The following PLA2G4F variants were observed in gnomAD, a reference collection of about 807,000 sequenced individuals.
PLA2G4F encodes the protein cytosolic phospholipase A2 zeta.
PLA2G4F carries 105 observed loss-of-function variants against 103.1 expected under a neutral mutation model. That is an observed-to-expected ratio of 1.02 (90% CI 0.87 to 1.20). The LOEUF (loss-of-function observed/expected upper bound fraction) is 1.20. Ranked by LOEUF, PLA2G4F falls within the 50% of genes most tolerant of loss-of-function variation. The probability of loss-of-function intolerance (pLI) is 0.00; values close to 1 mark genes in which losing one functional copy is unlikely to be tolerated. For synonymous variants in PLA2G4F, 468 were observed against 441.1 expected, an observed-to-expected ratio of 1.06 and a Z score of -0.76; for missense variants, 1,155 against 1,075.9, an observed-to-expected ratio of 1.07 and a Z score of -1.03.
rs762798872 is a variant in PLA2G4F, at chr15:42,150,433, G to GC, written c.824dup (p.Ile276HisfsTer44). 1.2e-6 allele frequency: 2 copies of GC among 1,613,426 alleles called. No homozygotes were observed. The highest frequency in any genetic ancestry group is 1.7e-6 in the Non-Finnish European group (2 of 1,179,926). On this transcript the variant is annotated frameshift_variant, in exon 9 of 20. Transcript: ENST00000397272. LOFTEE classifies it high-confidence loss of function. ...CTAGGGGCAGAGAGGAGAGCAGGAT[G>GC]CCCCCCTCGCCCAGCTTGCTGGTCT...
At chr15:42,143,832 G>C (rs960848095) in intron 18 of PLA2G4F, 146 bp downstream of exon 18, 35 of 1,061,336 alleles carry the variant, frequency 3.3e-5, no homozygotes, top group Non-Finnish European at 4.4e-5. Context: ...CTCACACACA[G>C]AGTGGAACCC....
In PLA2G4F at chr15:42,150,432, T is replaced by C. The variant is rs1256888163; in HGVS notation, c.826A>G (p.Ile276Val). 1.2e-6 allele frequency: 2 copies of C among 1,613,384 alleles called. No homozygotes were observed. Among genetic ancestry groups the C allele is most frequent in the African/African-American group, 1.3e-5 (1 of 74,884 alleles). Residue 276 changes from isoleucine to valine, a missense_variant, in exon 9 of 20, where the codon ATC (isoleucine) becomes GTC (valine). This residue lies in a region of PLA2G4F where 370 missense variants were observed against 364.9 expected (regional missense o/e 1.01). Transcript: ENST00000397272. ...CCTAGGGGCAGAGAGGAGAGCAGGA[T>C]GCCCCCCTCGCCCAGCTTGCTGGTC... ...AQTSKLGEGG[I>V]LLSSLPLGQE... is the part of the protein sequence containing the mutation.
chr15:42,142,456 C>T (rs1036934618), intron 19 of PLA2G4F, 72 bp downstream of exon 19: 7 of 1,492,284 alleles, frequency 4.7e-6, no homozygotes, highest in Middle Eastern at 1.8e-4. Context: ...CCAGGGAACC[C>T]ACCCTCAGAA....
chr15:42,145,575 C>T lies in PLA2G4F; in HGVS notation c.1780G>A (p.Asp594Asn), dbSNP rs745385494. ...AGGGGCTCGGGGTCGCTACCCTCACCTGTGATATTCACACTGCCTCTGTAC... is the reference window on the plus strand; with the variant it reads ...AGGGGCTCGGGGTCGCTACCCTCACTTGTGATATTCACACTGCCTCTGTAC... Reference protein sequence around the residue: ...EWYRGSVNITDDCQKPQLHNP... With the variant: ...EWYRGSVNITNDCQKPQLHNP... Residue 594 changes from aspartate to asparagine, a missense_variant and splice_region_variant, in exon 16 of 20, where the codon GAC becomes AAC. Asp to Asn is a conservative substitution (Grantham distance 23). This residue lies in a region of PLA2G4F where 782 missense variants were observed against 692.9 expected (regional missense o/e 1.13). Transcript: ENST00000397272. The T allele has an allele frequency of 6.2e-7, 1 of 1,613,890 alleles. No homozygotes were observed. Among genetic ancestry groups the T allele is most frequent in the Non-Finnish European group, 8.5e-7 (1 of 1,179,828 alleles).
chr15:42,150,842 G>T, intron 7 of PLA2G4F, 65 bp from the exon 8 acceptor site: 6 of 1,548,534 alleles, frequency 3.9e-6, no homozygotes, highest in Non-Finnish European at 5.2e-6. Context: ...TGCGGCTTAT[G>T]CTGGCAGCGC....
chr15:42,152,575 C>A, intron 7 of PLA2G4F, 113 bp downstream of exon 7: 1 of 1,123,824 alleles, frequency 8.9e-7, no homozygotes, highest in Non-Finnish European at 1.3e-6. Context: ...CGTTAGTCGG[C>A]TTTGAGCAAT....
Position 42,141,908 on chromosome 15 carries a change from T to C in PLA2G4F, c.*76A>G. 7 of 1,421,068 alleles carry C rather than the reference T, an allele frequency of 4.9e-6. No individual in the cohort carries two copies. The highest frequency in any genetic ancestry group is 6.8e-6 in the Non-Finnish European group (7 of 1,029,584). The allele number at this position is 1,421,068 out of a possible 1,614,324, so 88.0% of individuals were successfully genotyped here. ...AAGCAGATCCTGCACAGAGTCCCCA[T>C]CGCTCCTCCCTCTACAAGCCCTGAC... On this transcript the variant is annotated 3_prime_UTR_variant, in exon 20 of 20. Transcript: ENST00000397272.
chr15:42,154,892 C>T (rs1443110532), intron 2 of PLA2G4F, among the ~76,000 whole-genome samples: 1 of 152,150 alleles, frequency 6.6e-6, no homozygotes, highest in African/African-American at 2.4e-5. Context: ...CCAGCCCTGC[C>T]TGCCCTCACC....
At chr15:42,151,039 G>C (rs1009733239) in intron 7 of PLA2G4F, 2 of 985,302 alleles carry the variant, frequency 2.0e-6, no homozygotes, top group Admixed American at 1.2e-4. Context: ...GGCAGGGAGC[G>C]GGGAGGGAGA....
intron 16 of PLA2G4F, among the ~76,000 whole-genome samples, chr15:42,145,289 A>C (rs1052383897): frequency 6.6e-6 from 1 of 152,184 alleles, no homozygotes; most frequent in East Asian, 1.9e-4. Flanking sequence ...CCCATGAGCC[A>C]TTTAAGGACC....
At chr15:42,150,908 G>C in intron 7 of PLA2G4F, 131 bp from the exon 8 acceptor site, 1 of 1,468,962 alleles carries the variant, frequency 6.8e-7, no homozygotes, top group Admixed American at 2.4e-5. Flanking sequence ...CTTATCGCCC[G>C]CTCTCTCTTG....
rs752068331 is a variant in PLA2G4F at position 42,149,839 on chromosome 15, G to A, written c.933C>T (p.Asp311=). 1.2e-6 allele frequency: 2 copies of A among 1,614,172 alleles called. No individual in the cohort carries two copies. ...LSMKVEMSSG[D]LDLRLGFDLS... The stretch of plus-strand genomic sequence containing the variant: ...GGTCAAAGCCAAGGCGTAGGTCTAG[G>A]TCCCCGGAGCTGCCTCAAGTAGGGT... The change falls in exon 11 of 20, where the codon GAC becomes GAT. Residue 311 remains aspartate, a synonymous_variant. Coordinates refer to ENST00000397272, the MANE Select transcript of PLA2G4F (RefSeq NM_213600.4).
At chr15:42,152,165 C>T (rs942906026) in intron 7 of PLA2G4F, among the ~76,000 whole-genome samples, 3 of 152,224 alleles carry the variant, frequency 2.0e-5, no homozygotes, top group East Asian at 3.9e-4. Flanking sequence ...CAGCTCCTCC[C>T]GCTAAAGAGG....
In PLA2G4F at chr15:42,142,094, G is replaced by T. The variant is rs762365002; in HGVS notation, c.2440C>A (p.Arg814=). The T allele has an allele frequency of 6.8e-6, 11 of 1,614,226 alleles. No individual in the cohort carries two copies. The Admixed American group carries it at 1.0e-4, about 15-fold the overall frequency. ...NFTYEPQDFY[R]LVALSRYNVL... is the part of the protein sequence containing the mutation. ...TTGTATCGACTGAGGGCCACCAGCCGATAAAAGTCCTGGGGCTCATAGGTG... is the reference window on the plus strand; with the variant it reads ...TTGTATCGACTGAGGGCCACCAGCCTATAAAAGTCCTGGGGCTCATAGGTG... Residue 814 remains arginine (R), a synonymous_variant, in exon 20 of 20, where the codon CGG becomes AGG. Transcript: ENST00000397272.
intron 6 of PLA2G4F, 109 bp downstream of exon 6, chr15:42,153,191 G>A (rs372900178): frequency 3.0e-5 from 38 of 1,285,712 alleles, no homozygotes; most frequent in East Asian, 4.7e-5. Flanking sequence ...TCTCCCCTCC[G>A]AGGAGGGCTT....
intron 9 of PLA2G4F, 48 bp downstream of exon 9, chr15:42,150,325 T>C: frequency 6.4e-7 from 1 of 1,552,974 alleles, no homozygotes; most frequent in Non-Finnish European, 8.8e-7. Context: ...CTCTTGGTGG[T>C]CACAGAGAGC....
At chr15:42,151,982 G>T (rs1595623598) in intron 7 of PLA2G4F, among the ~76,000 whole-genome samples, 1 of 152,342 alleles carries the variant, frequency 6.6e-6, no homozygotes, top group East Asian at 1.9e-4. Flanking sequence ...CCCTGGGCAG[G>T]ACTCATCCTG....
chr15:42,153,584 T>A (rs763334790), intron 5 of PLA2G4F, 36 bp downstream of exon 5: 1 of 1,612,928 alleles, frequency 6.2e-7, no homozygotes, highest in Non-Finnish European at 8.5e-7. Flanking sequence ...CTCAAATCTC[T>A]GAGTCTCTGA....
At chr15:42,153,599 G>C (rs115750855) in intron 5 of PLA2G4F, 21 bp downstream of exon 5, 28 of 1,613,808 alleles carry the variant, frequency 1.7e-5, no homozygotes, top group African/African-American at 4.0e-5. Flanking sequence ...CTCTGAGGGC[G>C]TTGGCTCTAC....
Sources: allele counts gnomAD v4.1 joint callset (sites outside exome capture counted in the v4.1 genomes callset), GRCh38; gene constraint gnomAD v4.1.1; regional missense constraint gnomAD v4.1.1; transcripts MANE v1.5; gene names NCBI Gene and HGNC (gene_info 2026-07-23, HGNC 2026-07-21).